Variants in DNAAF6 observed in about 807,000 individuals in gnomAD.
The protein encoded by DNAAF6 is PIH1 domain containing 3.
DNAAF6 carries 3 observed loss-of-function variants against 13.7 expected under a neutral mutation model. The observed-to-expected ratio is 0.22, with a 90% CI of 0.10 to 0.56. DNAAF6 has a LOEUF of 0.56. Ranked by LOEUF, DNAAF6 falls within the 20% of genes least tolerant of loss-of-function variation. The probability of loss-of-function intolerance (pLI) is 0.92; values close to 1 mark genes in which losing one functional copy is unlikely to be tolerated. For synonymous variants in DNAAF6, 54 were observed against 49.2 expected, an observed-to-expected ratio of 1.10 and a Z score of -0.41; for missense variants, 130 against 151.0, an observed-to-expected ratio of 0.86 and a Z score of 0.73.
intron 5 of DNAAF6, among the ~76,000 whole-genome samples, chrX:107,226,080 G>A (rs1252491524): frequency 8.9e-6 from 1 of 111,930 alleles, no homozygotes; most frequent in African/African-American, 3.2e-5. Context: ...GCAGCTCTTA[G>A]GAGAATGGCT....
intron 4 of DNAAF6, among the ~76,000 whole-genome samples, chrX:107,222,524 A>G (rs1928168622): frequency 8.9e-6 from 1 of 111,871 alleles, no homozygotes; most frequent in Non-Finnish European, 1.9e-5. Context: ...GCTTTATTTT[A>G]GAAAATAATA....
chrX:107,208,465 A>C (rs1346147940), intron 1 of DNAAF6, among the ~76,000 whole-genome samples: 1 of 111,326 alleles, frequency 9.0e-6, no homozygotes, highest in African/African-American at 3.3e-5. Context: ...CTCCATTTTC[A>C]AAAAGGATTG....
Position 107,224,319 on chromosome X carries a change from C to A in DNAAF6, c.429+1478C>A, listed in dbSNP as rs761106530. On this transcript the variant is annotated intron_variant, in intron 5 of 6. Transcript: ENST00000372453. Reference sequence around the variant, plus strand: ...CACTGAAAGGCAGCAGCAAATAACACATTTGTTGATACTGTGGCACTTTGT... The same window carrying A: ...CACTGAAAGGCAGCAGCAAATAACAAATTTGTTGATACTGTGGCACTTTGT... Among the ~76,000 whole-genome samples, 155 of 111,917 alleles carry A rather than the reference C, an allele frequency of 1.4e-3. 1 individual carries two copies. Among genetic ancestry groups the A allele is most frequent in the African/African-American group, 4.8e-3 (148 of 30,923 alleles).
At chrX:107,210,473 C>T (rs1277187650) in intron 1 of DNAAF6, among the ~76,000 whole-genome samples, 1 of 110,515 alleles carries the variant, frequency 9.0e-6, no homozygotes, top group Admixed American at 9.7e-5. Context: ...GGCTGGAATG[C>T]AGTGGCCCGA....
At chrX:107,232,783 C>T (rs1184231177) in intron 5 of DNAAF6, among the ~76,000 whole-genome samples, 1 of 111,107 alleles carries the variant, frequency 9.0e-6, no homozygotes, top group Non-Finnish European at 1.9e-5. Context: ...TGCTCTGTCA[C>T]CCAGGCTGGA....
At chrX:107,225,651 G>A (rs1272291318) in intron 5 of DNAAF6, among the ~76,000 whole-genome samples, 1 of 111,017 alleles carries the variant, frequency 9.0e-6, no homozygotes, top group African/African-American at 3.3e-5. Flanking sequence ...AGTGATTTGG[G>A]GTTTAAAAAT....
chrX:107,243,898 G>A lies in DNAAF6; in HGVS notation c.*600G>A, dbSNP rs1033922637. On this transcript the variant is annotated 3_prime_UTR_variant, in exon 7 of 7. Transcript: ENST00000372453. The stretch of plus-strand genomic sequence containing the variant: ...TGATACAATCAGTTGCATAGCAATT[G>A]GTCATTATTATTACCAGAGAATTTT... The A allele has an allele frequency of 1.8e-5, 2 of 112,087 alleles. No individual in the cohort carries two copies. The highest frequency in any genetic ancestry group is 3.8e-5 in the Non-Finnish European group (2 of 53,121). 9.2% of individuals were successfully genotyped at this position (112,087 alleles called of 1,213,427 possible).
intron 5 of DNAAF6, among the ~76,000 whole-genome samples, chrX:107,237,248 G>T (rs1928533763): frequency 8.9e-6 from 1 of 112,031 alleles, no homozygotes; most frequent in South Asian, 3.7e-4. Context: ...TATTTGATAT[G>T]TATTTTCCTC....
rs370780599 is a variant in DNAAF6 at position 107,226,145 on chromosome X, T to C, written c.429+3304T>C. ...GCTGATCTAATTTCTCATCCTGATA[T>C]TACAGTTGATAAACTAAGGTCAGGC... On this transcript the variant is annotated intron_variant, in intron 5 of 6. Coordinates refer to ENST00000372453, the MANE Select transcript of DNAAF6 (RefSeq NM_173494.2). 4.5e-5 allele frequency among the ~76,000 whole-genome samples: 5 copies of C among 112,169 alleles called. No homozygotes were observed. In the East Asian group the frequency reaches 1.1e-3, roughly 25 times the overall value.
intron 5 of DNAAF6, among the ~76,000 whole-genome samples, chrX:107,226,749 T>G (rs1395452111): frequency 9.0e-6 from 1 of 111,625 alleles, no homozygotes; most frequent in African/African-American, 3.3e-5. Flanking sequence ...TATTTTGATG[T>G]TTTACTTTGA....
intron 5 of DNAAF6, among the ~76,000 whole-genome samples, chrX:107,231,641 T>G (rs962859390): frequency 1.8e-5 from 2 of 110,825 alleles, no homozygotes; most frequent in African/African-American, 6.6e-5. Context: ...AAATATTTGT[T>G]GAGTGCCTAT....
intron 6 of DNAAF6, among the ~76,000 whole-genome samples, chrX:107,242,273 GA>G (rs1734260713): frequency 8.9e-6 from 1 of 111,931 alleles, no homozygotes; most frequent in Non-Finnish European, 1.9e-5. Flanking sequence ...AATAAAGAAG[GA>G]ATTGATTTTC....
At position 107,238,949 on chromosome X, in the gene DNAAF6, C is replaced by G; in HGVS notation, c.457C>G (p.Pro153Ala). The G allele has an allele frequency of 8.3e-7, 1 of 1,210,001 alleles. No individual in the cohort carries two copies. Among genetic ancestry groups the G allele is most frequent in the Non-Finnish European group, 1.1e-6 (1 of 894,850 alleles). The change falls in exon 6 of 7, where the codon CCT (proline) becomes GCT (alanine). Residue 153 changes from proline (P) to alanine (A), a missense_variant. Coordinates refer to ENST00000372453, the MANE Select transcript of DNAAF6 (RefSeq NM_173494.2). ...VAKIKLPNTNPSDIQIDIQET... is the reference protein window; with the variant it reads ...VAKIKLPNTNASDIQIDIQET... ...TAAAATTAAATTGCCAAATACAAACCCTTCTGATATTCAAATTGATATCCA... is the reference window on the plus strand; with the variant it reads ...TAAAATTAAATTGCCAAATACAAACGCTTCTGATATTCAAATTGATATCCA...
At chrX:107,207,060 T>C (rs756763379) in intron 1 of DNAAF6, 1 of 111,751 alleles carries the variant, frequency 8.9e-6, no homozygotes, top group South Asian at 3.8e-4. Flanking sequence ...AATGACTAAT[T>C]TGGGAATGTA....
chrX:107,212,966 G>A lies in DNAAF6; in HGVS notation c.91G>A (p.Ala31Thr), dbSNP rs1175110018. ...VDFESVSSVT[A>T]LEALSKLLNP... ...CTTTGAGAGTGTTTCTTCAGTTACA[G>A]CTCTGGAAGCCCTCTCTAAGCTACT... The change falls in exon 2 of 7, where the codon GCT becomes ACT. Residue 31 changes from alanine to threonine, a missense_variant. Coordinates refer to ENST00000372453, the MANE Select transcript of DNAAF6 (RefSeq NM_173494.2). The A allele has an allele frequency of 5.0e-6, 6 of 1,206,273 alleles. No individual in the cohort carries two copies. Among genetic ancestry groups the A allele is most frequent in the Non-Finnish European group, 6.7e-6 (6 of 893,594 alleles).
In DNAAF6 at chrX:107,213,016, T is replaced by A; in HGVS notation, c.141T>A (p.Ser47=). The change falls in exon 2 of 7, where the codon TCT becomes TCA. Residue 47 remains serine (S), a synonymous_variant. Coordinates refer to ENST00000372453, the MANE Select transcript of DNAAF6 (RefSeq NM_173494.2). The stretch of plus-strand genomic sequence containing the variant: ...TTAATCCTGAAGAAGAGGATGATTC[T>A]GACTATGGACAGGTGGTCATATACT... ...KLLNPEEEDD[S]DYGQTNGLST... is the part of the protein sequence containing the mutation. 8.4e-7 allele frequency: 1 copy of A among 1,196,269 alleles called. No individual in the cohort carries two copies. Among genetic ancestry groups the A allele is most frequent in the South Asian group, 1.9e-5 (1 of 53,304 alleles).
At chrX:107,222,483 A>C (rs535830332) in intron 4 of DNAAF6, among the ~76,000 whole-genome samples, 1 of 110,880 alleles carries the variant, frequency 9.0e-6, no homozygotes, top group South Asian at 3.8e-4. Flanking sequence ...CCCTCAATCT[A>C]TTTTATTTGT....
At chrX:107,213,833 A>G (rs987993099) in intron 2 of DNAAF6, among the ~76,000 whole-genome samples, 11 of 112,106 alleles carry the variant, frequency 9.8e-5, no homozygotes, top group African/African-American at 3.6e-4. Flanking sequence ...AGAATCTGTC[A>G]ATTTGCATAA....
At chrX:107,215,246 A>C (rs1286187888) in intron 2 of DNAAF6, among the ~76,000 whole-genome samples, 1 of 111,469 alleles carries the variant, frequency 9.0e-6, no homozygotes, top group Non-Finnish European at 1.9e-5. Flanking sequence ...GTTCTGAGCC[A>C]ATCACTGTCC....
Sources: gnomAD v4.1 joint callset for allele counts (sites outside exome capture counted in the v4.1 genomes callset) on GRCh38, gnomAD v4.1.1 for gene constraint, MANE v1.5 for transcripts, NCBI Gene and HGNC (gene_info 2026-07-23, HGNC 2026-07-21) for gene names.